Variants in OSBP2 observed in about 807,000 individuals in gnomAD.
OSBP2 encodes the protein oxysterol-binding protein 2.
A neutral mutation model predicts 96.0 loss-of-function variants in OSBP2; 66 were observed. That is an observed-to-expected ratio of 0.69 (90% CI 0.56 to 0.84). The LOEUF is 0.84. Ranked by LOEUF, OSBP2 falls within the 40% of genes least tolerant of loss-of-function variation. The pLI is 0.00. For missense variants in OSBP2, 1,038 were observed against 1,222.7 expected, an observed-to-expected ratio of 0.85 and a Z score of 2.25; for synonymous variants, 525 against 520.9, an observed-to-expected ratio of 1.01 and a Z score of -0.11.
intron 2 of OSBP2, among the ~76,000 whole-genome samples, chr22:30,765,050 TTTTAA>T (rs2090253623): frequency 6.6e-6 from 1 of 152,004 alleles, no homozygotes. Context: ...TTTTTATTTG[TTTTAA>T]TTTAATTTAA....
chr22:30,832,121 T>G (rs1379689106), intron 2 of OSBP2, among the ~76,000 whole-genome samples: 1 of 152,098 alleles, frequency 6.6e-6, no homozygotes, highest in East Asian at 1.9e-4. Context: ...CCTTCATCTT[T>G]GTTGTGCCTA....
rs547550846 is a variant in OSBP2, at chr22:30,744,907, A to G, written c.853+3538A>G. 3.3e-5 allele frequency among the ~76,000 whole-genome samples: 5 copies of G among 152,366 alleles called. No homozygotes were observed. In the East Asian group the frequency reaches 9.6e-4, roughly 29 times the overall value. On this transcript the variant is annotated intron_variant, in intron 2 of 13. Coordinates refer to ENST00000332585, the MANE Select transcript of OSBP2 (RefSeq NM_030758.4). The stretch of plus-strand genomic sequence containing the variant: ...GTACACATGGAACATTTTTCAGGAT[A>G]GACCATATGTTAGGCCACAAAACAA...
At chr22:30,722,591 GT>G (rs1234471522) in intron 1 of OSBP2, among the ~76,000 whole-genome samples, 1 of 151,986 alleles carries the variant, frequency 6.6e-6, no homozygotes, top group Non-Finnish European at 1.5e-5. Flanking sequence ...GTTTCTGGAA[GT>G]CAAGATCCTG....
At chr22:30,718,520 A>G (rs35941285) in intron 1 of OSBP2, among the ~76,000 whole-genome samples, 7,452 of 152,278 alleles carry the variant, frequency 0.049, 623 homozygotes, top group African/African-American at 0.17. Context: ...GGCACATCAA[A>G]GGACTCGGGA....
intron 12 of OSBP2, among the ~76,000 whole-genome samples, chr22:30,903,714 C>T (rs1047562829): frequency 6.6e-6 from 1 of 152,224 alleles, no homozygotes; most frequent in Non-Finnish European, 1.5e-5. Context: ...GCCGGCACTG[C>T]GCTTGGCTGA....
chr22:30,877,671 G>A (rs2039613597), intron 3 of OSBP2, among the ~76,000 whole-genome samples: 1 of 152,208 alleles, frequency 6.6e-6, no homozygotes, highest in African/African-American at 2.4e-5. Context: ...CCCTAGGTGG[G>A]CTGGCAGCTG....
At chr22:30,752,288 CTTTTTT>C (rs10691256) in intron 2 of OSBP2, among the ~76,000 whole-genome samples, 14 of 48,668 alleles carry the variant, frequency 2.9e-4, no homozygotes, top group East Asian at 1.5e-3. Context: ...CTTTGCTTTG[CTTTTTT>C]TTTTTTTTTT....
intron 2 of OSBP2, among the ~76,000 whole-genome samples, chr22:30,841,477 T>C (rs1284510843): frequency 3.3e-5 from 5 of 152,228 alleles, no homozygotes; most frequent in Admixed American, 3.3e-4. Flanking sequence ...CTTATGCGTG[T>C]TGCTACATGT....
At chr22:30,901,162 G>A (rs762081632) in intron 12 of OSBP2, among the ~76,000 whole-genome samples, 7 of 152,086 alleles carry the variant, frequency 4.6e-5, no homozygotes, top group South Asian at 2.1e-4. Context: ...TCCGCCTCCC[G>A]GGTTCAAGCG....
chr22:30,856,973 C>G (rs1237788623), intron 2 of OSBP2, among the ~76,000 whole-genome samples: 1 of 152,110 alleles, frequency 6.6e-6, no homozygotes, highest in Non-Finnish European at 1.5e-5. Context: ...TGGCTTAAGT[C>G]CCACCTCATT....
At chr22:30,740,978 T>TA (rs1293345177) in intron 1 of OSBP2, among the ~76,000 whole-genome samples, 183 bp from the exon 2 acceptor site, 3 of 152,194 alleles carry the variant, frequency 2.0e-5, no homozygotes, top group South Asian at 4.2e-4. Context: ...GTCGTGGCCT[T>TA]AGAGTCCCCC....
upstream of OSBP2, chr22:30,693,844 A>G (rs569427330): frequency 2.0e-6 from 1 of 510,516 alleles, no homozygotes; most frequent in East Asian, 3.4e-5. Context: ...CGGGCCGTGG[A>G]ATTCCAGCTA....
intron 1 of OSBP2, among the ~76,000 whole-genome samples, chr22:30,740,233 G>A (rs1456863749): frequency 6.6e-6 from 1 of 152,204 alleles, no homozygotes; most frequent in Non-Finnish European, 1.5e-5. Context: ...TGAGATCACA[G>A]GATGTTGAAG....
intron 12 of OSBP2, chr22:30,902,405 G>A: frequency 1.9e-6 from 3 of 1,566,072 alleles, no homozygotes; most frequent in Non-Finnish European, 2.6e-6. Context: ...ACATACGATG[G>A]TGCACTGTTG....
chr22:30,801,268 A>T (rs1337383352), intron 2 of OSBP2, among the ~76,000 whole-genome samples: 1 of 152,232 alleles, frequency 6.6e-6, no homozygotes, highest in African/African-American at 2.4e-5. Flanking sequence ...GTTACTTAAT[A>T]AAAAAGAGAA....
chr22:30,732,334 G>T (rs1329000226), intron 1 of OSBP2, among the ~76,000 whole-genome samples: 3 of 152,008 alleles, frequency 2.0e-5, no homozygotes, highest in African/African-American at 7.3e-5. Context: ...AAAAATAAGA[G>T]ATATCCCAAG....
intron 2 of OSBP2, among the ~76,000 whole-genome samples, chr22:30,817,361 G>A (rs1319584973): frequency 3.9e-5 from 6 of 152,222 alleles, no homozygotes; most frequent in Non-Finnish European, 7.3e-5. Context: ...CCTCATTAGT[G>A]ATGAGCCCAA....
At chr22:30,842,847 T>G (rs2038782231) in intron 2 of OSBP2, 1 of 152,606 alleles carries the variant, frequency 6.6e-6, no homozygotes, top group Non-Finnish European at 1.5e-5. Context: ...TGACGCAATC[T>G]CGGCTCACTG....
At position 30,694,900 on chromosome 22, in the gene OSBP2, G is replaced by C; in HGVS notation, c.-10G>C. 1.5e-6 allele frequency: 2 copies of C among 1,290,922 alleles called. No homozygotes were observed. Among genetic ancestry groups the C allele is most frequent in the South Asian group, 2.0e-5 (1 of 50,540 alleles). The allele number at this position is 1,290,922 out of a possible 1,614,324, so 80.0% of individuals were successfully genotyped here. A position where few individuals can be genotyped will look rare whatever the true frequency, so the allele number is the denominator to read the frequency against. ...CTGGCCGCTCGGCCGCGCGCGGGTCGGCCGGCTCTATGGGGAAAGCGGCGG... is the reference window on the plus strand; with the variant it reads ...CTGGCCGCTCGGCCGCGCGCGGGTCCGCCGGCTCTATGGGGAAAGCGGCGG... On this transcript the variant is annotated 5_prime_UTR_variant, in exon 1 of 14. Coordinates refer to ENST00000332585, the MANE Select transcript of OSBP2 (RefSeq NM_030758.4).
Sources: allele counts gnomAD v4.1 joint callset (sites outside exome capture counted in the v4.1 genomes callset), GRCh38; gene constraint gnomAD v4.1.1; transcripts MANE v1.5; gene names NCBI Gene and HGNC (gene_info 2026-07-23, HGNC 2026-07-21).